The following LACTB variants were observed in gnomAD, a reference collection of about 807,000 sequenced individuals.
LACTB encodes the protein serine beta-lactamase-like protein LACTB, mitochondrial.
In LACTB, 35 loss-of-function variants were observed where a neutral mutation model predicts 50.2. The ratio of observed to expected loss-of-function variants is 0.70; its 90% CI spans 0.53 to 0.92. The LOEUF (loss-of-function observed/expected upper bound fraction) is 0.92. LACTB is among the 40% of genes least tolerant of loss of function. LACTB has a pLI of 0.00. For synonymous variants in LACTB, 252 were observed against 268.2 expected (o/e 0.94, Z 0.59); for missense variants, 664 against 691.8 (o/e 0.96, Z 0.45).
chr15:63,127,128 G>T, intron 3 of LACTB, 79 bp downstream of exon 3: 3 of 1,146,606 alleles, frequency 2.6e-6, no homozygotes, highest in Non-Finnish European at 2.4e-6. Context: ...ATGTTTCATA[G>T]GATTCTTTGG....
intron 5 of LACTB, chr15:63,140,885 T>C (rs2037221648): frequency 1.8e-5 from 7 of 399,702 alleles, no homozygotes; most frequent in East Asian, 1.6e-4. Flanking sequence ...TAAAATTCAT[T>C]TGTGGCACGA....
intron 5 of LACTB, among the ~76,000 whole-genome samples, chr15:63,136,735 G>A (rs1454175632): frequency 6.6e-6 from 1 of 152,044 alleles, no homozygotes; most frequent in Non-Finnish European, 1.5e-5. Context: ...ATAAAACCTT[G>A]AAGTAAAACT....
Position 63,141,992 on chromosome 15 carries a change from G to A in LACTB, c.*187G>A. On this transcript the variant is annotated 3_prime_UTR_variant, in exon 6 of 6. Coordinates refer to ENST00000261893, the MANE Select transcript of LACTB (RefSeq NM_032857.5). ...GTAGAATTGGTTCTTTATACTCAGGGAAGTAATTATATTGTTTTTACTTTT... is the reference window on the plus strand; with the variant it reads ...GTAGAATTGGTTCTTTATACTCAGGAAAGTAATTATATTGTTTTTACTTTT... The A allele has an allele frequency of 1.9e-6, 1 of 529,078 alleles. No individual in the cohort carries two copies. Among genetic ancestry groups the A allele is most frequent in the South Asian group, 3.4e-5 (1 of 29,702 alleles). The allele number at this position is 529,078 out of a possible 1,614,324, so 32.8% of individuals were successfully genotyped here. A position where few individuals can be genotyped will look rare whatever the true frequency, so the allele number is the denominator to read the frequency against.
rs1486880436 is a variant in LACTB at position 63,127,398 on chromosome 15, C to T, written c.661C>T (p.Arg221Cys). The change falls in exon 4 of 6, where the codon CGT becomes TGT. Residue 221 changes from arginine to cysteine, a missense_variant. Arg to Cys is a radical substitution (Grantham distance 180). Transcript: ENST00000261893. ...ACTGATTTCCCATTTAAGTGGAATT[C>T]GTCATTATGAAAAGGACATAAAAAA... is the stretch of plus-strand genomic sequence containing the variant. ...RLLISHLSGI[R>C]HYEKDIKKVK... The T allele has an allele frequency of 2.7e-5, 42 of 1,583,164 alleles. No individual in the cohort carries two copies. Among genetic ancestry groups the T allele is most frequent in the South Asian group, 7.1e-5 (6 of 84,602 alleles).
In LACTB at chr15:63,141,581, G is replaced by C. The variant is rs1278619260; in HGVS notation, c.1420G>C (p.Gly474Arg). The part of the protein sequence containing the change: ...WGVVERKQTY[G>R]SCRKQRHYAS... The stretch of plus-strand genomic sequence containing the variant: ...TGTTGTGGAAAGGAAACAAACGTAT[G>C]GTTCGTGTAGAAAGCAACGGCATTA... Residue 474 changes from glycine (G) to arginine (R), a missense_variant, in exon 6 of 6, where the codon GGT becomes CGT. Coordinates refer to ENST00000261893, the MANE Select transcript of LACTB (RefSeq NM_032857.5). 6 of 1,614,198 alleles carry C rather than the reference G, an allele frequency of 3.7e-6. No homozygotes were observed. The highest frequency in any genetic ancestry group is 5.1e-6 in the Non-Finnish European group (6 of 1,180,022).
At chr15:63,127,957 A>T (rs181728573) in intron 4 of LACTB, among the ~76,000 whole-genome samples, 25 of 152,354 alleles carry the variant, frequency 1.6e-4, no homozygotes, top group African/African-American at 6.0e-4. Flanking sequence ...AAATGTTGGA[A>T]TAATAGTTCT....
At chr15:63,129,744 T>C (rs1595715741) in intron 5 of LACTB, 94 bp downstream of exon 5, 1 of 1,340,644 alleles carries the variant, frequency 7.5e-7, no homozygotes, top group Non-Finnish European at 9.6e-7. Flanking sequence ...CATTCCAAAA[T>C]CAACCTGCCA....
chr15:63,127,710 T>TGAA (rs2037073220), intron 4 of LACTB, 21 bp downstream of exon 4: 1 of 1,435,266 alleles, frequency 7.0e-7, no homozygotes, highest in African/African-American at 1.4e-5. Flanking sequence ...ATCCCTTCTC[T>TGAA]TAACAAAATC....
chr15:63,138,968 C>T (rs1343660268), intron 5 of LACTB, among the ~76,000 whole-genome samples: 6 of 144,492 alleles, frequency 4.2e-5, no homozygotes, highest in Non-Finnish European at 6.0e-5. Flanking sequence ...CACTTGAATC[C>T]GGGAGGCAGA....
At chr15:63,132,970 G>A (rs544577126) in intron 5 of LACTB, among the ~76,000 whole-genome samples, 1 of 152,136 alleles carries the variant, frequency 6.6e-6, no homozygotes, top group East Asian at 1.9e-4. Context: ...ACATTTAAAC[G>A]ACATTTTCTC....
intron 5 of LACTB, among the ~76,000 whole-genome samples, chr15:63,136,703 C>G (rs921845730): frequency 1.3e-5 from 2 of 151,918 alleles, no homozygotes; most frequent in African/African-American, 4.8e-5. Flanking sequence ...TAAAAGGAAT[C>G]TCTTCAAAGA....
At chr15:63,126,231 T>G (rs2037052375) in intron 2 of LACTB, among the ~76,000 whole-genome samples, 1 of 152,178 alleles carries the variant, frequency 6.6e-6, no homozygotes, top group Non-Finnish European at 1.5e-5. Flanking sequence ...AACCTCTGCC[T>G]CCAAGGTTCA....
At chr15:63,130,838 T>C (rs149901777) in intron 5 of LACTB, 3 of 152,338 alleles carry the variant, frequency 2.0e-5, no homozygotes, top group African/African-American at 7.2e-5. Flanking sequence ...TTGGAGGAGA[T>C]AATTTGAGAT....
intron 5 of LACTB, among the ~76,000 whole-genome samples, chr15:63,139,456 C>T (rs1001449994): frequency 6.6e-6 from 1 of 151,996 alleles, no homozygotes; most frequent in Non-Finnish European, 1.5e-5. Flanking sequence ...AGTTTGAGAC[C>T]AGCCTGGCCA....
chr15:63,122,612 C>G (rs1164244213), intron 1 of LACTB, 24 bp from the exon 2 acceptor site: 3 of 1,592,910 alleles, frequency 1.9e-6, no homozygotes, highest in Admixed American at 3.3e-5. Flanking sequence ...CCGTAACTGT[C>G]GGTTCTTTCC....
chr15:63,126,933 A>G lies in LACTB; in HGVS notation c.499A>G (p.Lys167Glu), dbSNP rs753707105. ...AGTTATGCGAATTGCTAGCATCAGCAAAAGTCTCACCATGGTTGCTCTTGC... is the reference window on the plus strand; with the variant it reads ...AGTTATGCGAATTGCTAGCATCAGCGAAAGTCTCACCATGGTTGCTCTTGC... Reference protein sequence around the residue: ...ETVMRIASISKSLTMVALAKL... With the variant: ...ETVMRIASISESLTMVALAKL... The change falls in exon 3 of 6, where the codon AAA (lysine) becomes GAA (glutamate). Residue 167 changes from lysine (K) to glutamate (E), a missense_variant. Lys to Glu is a moderately conservative substitution (Grantham distance 56, BLOSUM62 1). Coordinates refer to ENST00000261893, the MANE Select transcript of LACTB (RefSeq NM_032857.5). 14 of 1,613,418 alleles carry G rather than the reference A, an allele frequency of 8.7e-6. No homozygotes were observed. The highest frequency in any genetic ancestry group is 1.0e-5 in the Non-Finnish European group (12 of 1,179,634).
chr15:63,141,057 C>T, intron 5 of LACTB: 2 of 983,596 alleles, frequency 2.0e-6, no homozygotes, highest in Non-Finnish European at 2.4e-6. Flanking sequence ...AAAAAAACCA[C>T]TTTCTATGCT....
chr15:63,122,367 C>T (rs961584123), intron 1 of LACTB, 139 bp downstream of exon 1: 2 of 809,122 alleles, frequency 2.5e-6, no homozygotes, highest in East Asian at 5.6e-5. Context: ...ATTTCCCCAC[C>T]GCCGAGCCGT....
chr15:63,127,185 G>T lies in LACTB; in HGVS notation c.615+136G>T, dbSNP rs1183522498. ...TGTATTAGTTTTTCTTAATCCAGAT[G>T]ATAATCAGGTAGGTATTTTTCTGAA... On this transcript the variant is annotated intron_variant, in intron 3 of 5. Transcript: ENST00000261893. 6.6e-6 allele frequency: 6 copies of T among 912,786 alleles called. No individual in the cohort carries two copies. The Admixed American group carries it at 1.9e-4, about 29-fold the overall frequency. The allele number at this position is 912,786 out of a possible 1,614,324, so 56.5% of individuals were successfully genotyped here. A position where few individuals can be genotyped will look rare whatever the true frequency, so the allele number is the denominator to read the frequency against.
Sources: gnomAD v4.1 joint callset for allele counts (sites outside exome capture counted in the v4.1 genomes callset) on GRCh38, gnomAD v4.1.1 for gene constraint, MANE v1.5 for transcripts, NCBI Gene and HGNC (gene_info 2026-07-23, HGNC 2026-07-21) for gene names.